Variants in RBM27 observed in about 807,000 individuals in gnomAD.
The protein encoded by RBM27 is RNA-binding protein 27.
Under a neutral mutation model 135.3 loss-of-function variants are expected in RBM27, and 22 were observed. That is an observed-to-expected ratio of 0.16 (90% confidence interval 0.12 to 0.23). RBM27 has a LOEUF of 0.23. Among genes scored for constraint, RBM27 ranks in the 10% least tolerant of loss-of-function variants. The probability of loss-of-function intolerance (pLI) is 1.00; values close to 1 mark genes in which losing one functional copy is unlikely to be tolerated. For missense variants in RBM27, 1,009 were observed against 1,281.0 expected, an observed-to-expected ratio of 0.79 and a Z score of 3.24; for synonymous variants, 481 against 442.4, an observed-to-expected ratio of 1.09 and a Z score of -1.10.
intron 13 of RBM27, among the ~76,000 whole-genome samples, chr5:146,263,141 C>G (rs548613154): frequency 3.8e-4 from 58 of 152,268 alleles, no homozygotes; most frequent in African/African-American, 1.1e-3. Flanking sequence ...ACCTTGGCCT[C>G]CCAAAGTGCT....
At chr5:146,283,168 C>G (rs1335731097) in intron 19 of RBM27, among the ~76,000 whole-genome samples, 1 of 152,110 alleles carries the variant, frequency 6.6e-6, no homozygotes, top group Non-Finnish European at 1.5e-5. Flanking sequence ...GAAAGCCTCT[C>G]TATAATTGGG....
At chr5:146,275,885 T>C (rs1173807997) in intron 19 of RBM27, among the ~76,000 whole-genome samples, 1 of 152,220 alleles carries the variant, frequency 6.6e-6, no homozygotes, top group Non-Finnish European at 1.5e-5. Context: ...ATTTTGAATT[T>C]TTCCTTCTTT....
chr5:146,220,069 G>T (rs1041275647), intron 2 of RBM27, among the ~76,000 whole-genome samples: 12 of 152,048 alleles, frequency 7.9e-5, no homozygotes, highest in African/African-American at 2.9e-4. Context: ...GTCACCACCT[G>T]TCATAGGTTT....
intron 2 of RBM27, among the ~76,000 whole-genome samples, chr5:146,221,538 A>G (rs1756464973): frequency 6.6e-6 from 1 of 152,146 alleles, no homozygotes; most frequent in South Asian, 2.1e-4. Flanking sequence ...GGCTCAAGCA[A>G]TTCTCCTGCC....
intron 19 of RBM27, among the ~76,000 whole-genome samples, chr5:146,282,818 T>A (rs1011759895): frequency 3.3e-5 from 5 of 152,226 alleles, no homozygotes; most frequent in Admixed American, 2.0e-4. Context: ...AGAATCAGTT[T>A]GAGATTCTCA....
At chr5:146,264,398 G>T (rs1367789473) in intron 14 of RBM27, among the ~76,000 whole-genome samples, 1 of 152,004 alleles carries the variant, frequency 6.6e-6, no homozygotes, top group Non-Finnish European at 1.5e-5. Flanking sequence ...GGTCAGGCTG[G>T]TCTGGAACTC....
chr5:146,209,355 G>A (rs1417715988), intron 1 of RBM27, among the ~76,000 whole-genome samples: 1 of 152,212 alleles, frequency 6.6e-6, no homozygotes, highest in Admixed American at 6.5e-5. Flanking sequence ...GGAATTGCTA[G>A]TCAAAGTCAT....
At chr5:146,239,301 G>A (rs918101430) in intron 8 of RBM27, among the ~76,000 whole-genome samples, 2 of 151,864 alleles carry the variant, frequency 1.3e-5, no homozygotes, top group Non-Finnish European at 1.5e-5. Flanking sequence ...ACACCATTAT[G>A]TTTTATGTTT....
chr5:146,253,549 T>C (rs1360757793), intron 9 of RBM27, among the ~76,000 whole-genome samples: 3 of 151,948 alleles, frequency 2.0e-5, no homozygotes, highest in Non-Finnish European at 4.4e-5. Context: ...TGAGCTGTTT[T>C]CAAAACCTGA....
intron 1 of RBM27, among the ~76,000 whole-genome samples, chr5:146,204,934 G>C (rs1345706089): frequency 6.6e-6 from 1 of 151,956 alleles, no homozygotes; most frequent in African/African-American, 2.4e-5. Context: ...GTCTCGCTGT[G>C]TCTCCCAGGC....
chr5:146,250,803 G>T (rs2126817023), intron 8 of RBM27, among the ~76,000 whole-genome samples: 2 of 108,052 alleles, frequency 1.9e-5, no homozygotes, highest in African/African-American at 3.5e-5. Context: ...TTGAGACAGA[G>T]TCTTACTCTG....
chr5:146,276,196 G>A (rs982634468), intron 19 of RBM27, among the ~76,000 whole-genome samples: 15 of 150,844 alleles, frequency 9.9e-5, no homozygotes, highest in East Asian at 3.9e-4. Context: ...TGACCTTGTC[G>A]TGTTTTCTTT....
At chr5:146,283,912 C>CT in intron 19 of RBM27, among the ~76,000 whole-genome samples, 1 of 152,282 alleles carries the variant, frequency 6.6e-6, no homozygotes, top group South Asian at 2.1e-4. Context: ...GATAGGAAAG[C>CT]TATAGGGATG....
At chr5:146,215,327 G>T (rs570110149) in intron 1 of RBM27, among the ~76,000 whole-genome samples, 1 of 152,268 alleles carries the variant, frequency 6.6e-6, no homozygotes, top group South Asian at 2.1e-4. Flanking sequence ...TGGGATTACA[G>T]GCATGAGCCA....
intron 1 of RBM27, among the ~76,000 whole-genome samples, chr5:146,206,162 A>C (rs1207127462): frequency 6.6e-6 from 1 of 152,210 alleles, no homozygotes; most frequent in African/African-American, 2.4e-5. Context: ...TTTTGTTGGT[A>C]GCTATCCTTT....
chr5:146,216,027 C>T (rs536938943), intron 1 of RBM27, among the ~76,000 whole-genome samples: 3 of 152,174 alleles, frequency 2.0e-5, no homozygotes, highest in Admixed American at 6.5e-5. Flanking sequence ...GGATTGCAGG[C>T]GTGAGCCACC....
At chr5:146,269,742 C>CTTTT (rs34783557) in intron 17 of RBM27, among the ~76,000 whole-genome samples, 158 bp downstream of exon 17, 4 of 118,932 alleles carry the variant, frequency 3.4e-5, no homozygotes, top group Admixed American at 8.8e-5. Flanking sequence ...ATTATAGTAC[C>CTTTT]TTTTTTTTTT....
At chr5:146,264,927 C>CT (rs1434297208) in intron 14 of RBM27, among the ~76,000 whole-genome samples, 1 of 152,014 alleles carries the variant, frequency 6.6e-6, no homozygotes, top group Non-Finnish European at 1.5e-5. Context: ...AGATCTGATC[C>CT]TTTTTTTAAA....
chr5:146,233,434 A>T lies in RBM27; in HGVS notation c.851-16A>T, dbSNP rs1265850651. On this transcript the variant is annotated splice_polypyrimidine_tract_variant and intron_variant, in intron 6 of 20. Coordinates refer to ENST00000265271, the MANE Select transcript of RBM27 (RefSeq NM_018989.2). ...TAGATGATAATAAGATTCTTTTTTT[A>T]TTCTTTATTCCACAGAAAGAGGATT... 1.3e-6 allele frequency: 2 copies of T among 1,507,176 alleles called. No individual in the cohort carries two copies. Among genetic ancestry groups the T allele is most frequent in the Admixed American group, 2.3e-5 (1 of 42,600 alleles). The allele number at this position is 1,507,176 out of a possible 1,614,324, so 93.4% of individuals were successfully genotyped here. A position where few individuals can be genotyped will look rare whatever the true frequency, so the allele number is the denominator to read the frequency against.
Sources: allele counts gnomAD v4.1 joint callset (sites outside exome capture counted in the v4.1 genomes callset), GRCh38; gene constraint gnomAD v4.1.1; transcripts MANE v1.5; gene names NCBI Gene and HGNC (gene_info 2026-07-23, HGNC 2026-07-21).